Variants in TMED8 observed in about 807,000 individuals in gnomAD.
The protein encoded by TMED8 is transmembrane p24 trafficking protein family member 8.
A neutral mutation model predicts 32.7 loss-of-function variants in TMED8; 15 were observed. The ratio of observed to expected loss-of-function variants is 0.46; its 90% CI spans 0.31 to 0.71. The LOEUF (loss-of-function observed/expected upper bound fraction) is 0.71. TMED8 is among the 30% of genes least tolerant of loss of function. TMED8 has a pLI of 0.06. For missense variants in TMED8, 390 were observed against 423.9 expected (o/e 0.92, Z 0.70); for synonymous variants, 147 against 161.4 (o/e 0.91, Z 0.68).
In TMED8 at chr14:77,338,024, GACAGGGTGCCTCATATTATGGTCAGATT is replaced by G. The variant is rs1892805751; in HGVS notation, c.*3719_*3746del. On this transcript the variant is annotated 3_prime_UTR_variant, in exon 6 of 6. Coordinates refer to ENST00000216468, the MANE Select transcript of TMED8 (RefSeq NM_213601.3). ...CTGAAAAACTAGTCCATGATGGGAA[GACAGGGTGCCTCATATTATGGTCAGATT>G]ACAGGGTGCCTCATATTACCCTCTT... The G allele has an allele frequency of 6.6e-6, 1 of 152,158 alleles. No individual in the cohort carries two copies. Among genetic ancestry groups the G allele is most frequent in the Non-Finnish European group, 1.5e-5 (1 of 68,026 alleles). 9.4% of individuals were successfully genotyped at this position (152,158 alleles called of 1,614,324 possible). A position where few individuals can be genotyped will look rare whatever the true frequency, so the allele number is the denominator to read the frequency against.
At chr14:77,353,537 A>G (rs1436525340) in intron 1 of TMED8, among the ~76,000 whole-genome samples, 1 of 149,690 alleles carries the variant, frequency 6.7e-6, no homozygotes, top group Non-Finnish European at 1.5e-5. Context: ...GGCAACCTCA[A>G]CCTTCCAGGT....
At position 77,376,501 on chromosome 14, in the gene TMED8, A is replaced by G. The variant is rs1893819637; in HGVS notation, c.118+435T>C. On this transcript the variant is annotated intron_variant, in intron 1 of 5. Coordinates refer to ENST00000216468, the MANE Select transcript of TMED8 (RefSeq NM_213601.3). The surrounding 1 kb of genome is among the most constrained non-coding windows in gnomAD (Gnocchi z 4.0). Reference sequence around the variant, plus strand: ...GGTGGGGGCCGAGAGGCGCGTGGTAAGGCTGGGGCAGGGGACTGAGATGGG... The same window carrying G: ...GGTGGGGGCCGAGAGGCGCGTGGTAGGGCTGGGGCAGGGGACTGAGATGGG... Among the ~76,000 whole-genome samples, 1 of 151,682 alleles carries G rather than the reference A, an allele frequency of 6.6e-6. No individual in the cohort carries two copies. Among genetic ancestry groups the G allele is most frequent in the African/African-American group, 2.4e-5 (1 of 41,262 alleles).
intron 1 of TMED8, among the ~76,000 whole-genome samples, chr14:77,369,779 T>G (rs971294057): frequency 1.1e-4 from 17 of 152,230 alleles, no homozygotes; most frequent in Admixed American, 3.3e-4. Context: ...TGATGAGAGA[T>G]AATTACCTAG....
chr14:77,354,515 A>G (rs1893248900), intron 1 of TMED8, among the ~76,000 whole-genome samples: 2 of 152,216 alleles, frequency 1.3e-5, no homozygotes, highest in Non-Finnish European at 2.9e-5. Flanking sequence ...TCCAGACTTT[A>G]TTTCCTTTAA....
intron 2 of TMED8, among the ~76,000 whole-genome samples, chr14:77,349,285 T>G (rs1893126413): frequency 6.6e-6 from 1 of 151,694 alleles, no homozygotes; most frequent in Non-Finnish European, 1.5e-5. Context: ...CCTGGCTAAT[T>G]TTTTGTATTT....
intron 1 of TMED8, chr14:77,359,696 G>A: frequency 3.6e-6 from 1 of 277,612 alleles, no homozygotes; most frequent in Non-Finnish European, 7.1e-6. Flanking sequence ...GCAAACCATG[G>A]TTGTTAGATG....
chr14:77,345,484 C>G (rs962531982), intron 3 of TMED8, among the ~76,000 whole-genome samples: 2 of 151,842 alleles, frequency 1.3e-5, no homozygotes, highest in Admixed American at 6.6e-5. Context: ...ATGATAGAAA[C>G]AACCCCATCC....
intron 1 of TMED8, among the ~76,000 whole-genome samples, chr14:77,353,149 T>G (rs1407666509): frequency 6.6e-6 from 1 of 152,166 alleles, no homozygotes; most frequent in African/African-American, 2.4e-5. Context: ...CAGATGCTAC[T>G]TAGTTTTGTG....
chr14:77,349,954 G>C (rs1047036198), intron 2 of TMED8, among the ~76,000 whole-genome samples: 9 of 152,182 alleles, frequency 5.9e-5, no homozygotes, highest in South Asian at 2.1e-4. Flanking sequence ...TTGAAATTAA[G>C]TTCTCTGTTT....
intron 2 of TMED8, among the ~76,000 whole-genome samples, chr14:77,348,445 G>C (rs185400597): frequency 6.6e-6 from 1 of 151,980 alleles, no homozygotes; most frequent in Non-Finnish European, 1.5e-5. Flanking sequence ...GGATGGTCTC[G>C]ATCTCCTGAC....
intron 2 of TMED8, among the ~76,000 whole-genome samples, chr14:77,347,530 G>A (rs1893078286): frequency 6.6e-6 from 1 of 152,190 alleles, no homozygotes; most frequent in African/African-American, 2.4e-5. Flanking sequence ...AGCCTCCCGA[G>A]TAGCTGGGAT....
At position 77,339,254 on chromosome 14, in the gene TMED8, A is replaced by G. The variant is rs1892837265; in HGVS notation, c.*2517T>C. The G allele has an allele frequency of 6.6e-6, 1 of 152,262 alleles. No individual in the cohort carries two copies. Among genetic ancestry groups the G allele is most frequent in the East Asian group, 1.9e-4 (1 of 5,204 alleles). 9.4% of individuals were successfully genotyped at this position (152,262 alleles called of 1,614,324 possible). On this transcript the variant is annotated 3_prime_UTR_variant, in exon 6 of 6. Coordinates refer to ENST00000216468, the MANE Select transcript of TMED8 (RefSeq NM_213601.3). ...TAGCTATTTTGTGCTAATGGAACAC[A>G]GAAACCCTGACAGTTGGTGAAAAAC...
In TMED8 at chr14:77,376,275, G is replaced by C. The variant is rs1229388867; in HGVS notation, c.118+661C>G. Among the ~76,000 whole-genome samples, 1 of 152,210 alleles carries C rather than the reference G, an allele frequency of 6.6e-6. No homozygotes were observed. The highest frequency in any genetic ancestry group is 1.5e-5 in the Non-Finnish European group (1 of 68,038). ...GATGAGGGTCTTGAGAATGAGGGAG[G>C]TAGGCCAAATTTTTAATTCCTGCTC... On this transcript the variant is annotated intron_variant, in intron 1 of 5. Transcript: ENST00000216468. The surrounding 1 kb of genome is among the most constrained non-coding windows in gnomAD (Gnocchi z 4.0).
At chr14:77,366,785 A>G (rs1474527203) in intron 1 of TMED8, among the ~76,000 whole-genome samples, 1 of 152,190 alleles carries the variant, frequency 6.6e-6, no homozygotes, top group Non-Finnish European at 1.5e-5. Flanking sequence ...GAACCACTGA[A>G]GTTGATGCTA....
In TMED8 at chr14:77,377,077, C is replaced by A; in HGVS notation, c.-24G>T. The A allele has an allele frequency of 7.6e-7, 1 of 1,319,162 alleles. No homozygotes were observed. Among genetic ancestry groups the A allele is most frequent in the Non-Finnish European group, 9.7e-7 (1 of 1,025,678 alleles). The allele number at this position is 1,319,162 out of a possible 1,614,324, so 81.7% of individuals were successfully genotyped here. ...ATCTGCAGCCCGCGCACGGAGCTCT[C>A]CGCTGCCAGCCGCGAGTGGCTCCGG... On this transcript the variant is annotated 5_prime_UTR_variant, in exon 1 of 6. Transcript: ENST00000216468.
At chr14:77,366,013 C>A (rs570801063) in intron 1 of TMED8, among the ~76,000 whole-genome samples, 21 of 152,326 alleles carry the variant, frequency 1.4e-4, no homozygotes, top group African/African-American at 3.1e-4. Flanking sequence ...TTCGCCCATG[C>A]TGGCTCCTAG....
intron 1 of TMED8, chr14:77,359,583 G>A: frequency 2.4e-6 from 1 of 410,408 alleles, no homozygotes. Flanking sequence ...ACTGAAGAGT[G>A]GCTTTCTACT....
rs145401392 is a variant in TMED8, at chr14:77,345,276, C to T, written c.327+1073G>A. ...TGCTGGGATTACAGGCATGAGCCAC[C>T]GGGCCCAGCCAGTTTCCTCATTTCT... On this transcript the variant is annotated intron_variant, in intron 3 of 5. Transcript: ENST00000216468. Among the ~76,000 whole-genome samples, 1,464 of 152,248 alleles carry T rather than the reference C, an allele frequency of 9.6e-3. 14 individuals carry two copies. The highest frequency in any genetic ancestry group is 0.034 in the African/African-American group (1,397 of 41,546).
intron 1 of TMED8, among the ~76,000 whole-genome samples, chr14:77,371,958 CGTAG>C (rs1473423776): frequency 6.6e-6 from 1 of 151,932 alleles, no homozygotes; most frequent in Non-Finnish European, 1.5e-5. Flanking sequence ...CTAGTAATAT[CGTAG>C]GTATTATTTA....
Sources: gnomAD v4.1 joint callset for allele counts (sites outside exome capture counted in the v4.1 genomes callset) on GRCh38, gnomAD v4.1.1 for gene constraint, Gnocchi (gnomAD v3.1) non-coding constraint, MANE v1.5 for transcripts, NCBI Gene and HGNC (gene_info 2026-07-23, HGNC 2026-07-21) for gene names.